AGO1: variants seen among roughly 807,000 people sequenced by gnomAD.
The protein encoded by AGO1 is protein argonaute-1.
A neutral mutation model predicts 109.2 loss-of-function variants in AGO1; 11 were observed. That is an observed-to-expected ratio of 0.10 (90% CI 0.06 to 0.17). The LOEUF is 0.17. Among genes scored for constraint, AGO1 ranks in the 10% least tolerant of loss-of-function variants. The pLI is 1.00. For missense variants in AGO1, 574 were observed against 1,140.3 expected, an observed-to-expected ratio of 0.50 and a Z score of 7.15; for synonymous variants, 422 against 418.6, an observed-to-expected ratio of 1.01 and a Z score of -0.10.
intron 1 of AGO1, among the ~76,000 whole-genome samples, chr1:35,871,058 T>C (rs1644945772): frequency 6.6e-6 from 1 of 152,230 alleles, no homozygotes; most frequent in African/African-American, 2.4e-5. Flanking sequence ...GCCTATCTCC[T>C]CTTGGCAATG....
intron 2 of AGO1, among the ~76,000 whole-genome samples, chr1:35,889,475 G>A (rs1310804653): frequency 2.0e-5 from 3 of 151,920 alleles, no homozygotes; most frequent in Non-Finnish European, 4.4e-5. Context: ...GCCTCGCAAA[G>A]TGCTGGGATT....
chr1:35,872,899 GT>G (rs1016276239), intron 1 of AGO1, among the ~76,000 whole-genome samples: 1 of 151,432 alleles, frequency 6.6e-6, no homozygotes, highest in East Asian at 1.9e-4. Context: ...GTTCTTTTCA[GT>G]TTTTTTGTTT....
At chr1:35,875,026 A>G (rs766902815) in intron 1 of AGO1, among the ~76,000 whole-genome samples, 8 of 152,244 alleles carry the variant, frequency 5.3e-5, no homozygotes, top group Non-Finnish European at 8.8e-5. Context: ...AGCCATCTCC[A>G]TAACATAAAA....
In AGO1 at chr1:35,893,492, C is replaced by A; in HGVS notation, c.513-182C>A. On this transcript the variant is annotated intron_variant, in intron 4 of 18. Coordinates refer to ENST00000373204, the MANE Select transcript of AGO1 (RefSeq NM_012199.5). This position sits in a 1 kb window ranked among gnomAD's most constrained non-coding sequence, Gnocchi z 5.6. ...TATCTTTGGGCCTCATCCCATCTGT[C>A]CCTGCAGGGCAGAGAGAAGGTAGAA... 1.2e-6 allele frequency: 1 copy of A among 808,988 alleles called. No homozygotes were observed. The highest frequency in any genetic ancestry group is 1.9e-6 in the Non-Finnish European group (1 of 528,652). The allele number at this position is 808,988 out of a possible 1,614,324, so 50.1% of individuals were successfully genotyped here.
chr1:35,893,823 A>G lies in AGO1; in HGVS notation c.649+13A>G. The G allele has an allele frequency of 9.3e-6, 15 of 1,607,740 alleles. No homozygotes were observed. Among genetic ancestry groups the G allele is most frequent in the Non-Finnish European group, 1.1e-5 (13 of 1,175,874 alleles). ...CTCAACATTGATGGTGAGTGGGGAG[A>G]GCTATGGAGCCAGGGGCACCCCAAG... On this transcript the variant is annotated intron_variant, in intron 5 of 18. Coordinates refer to ENST00000373204, the MANE Select transcript of AGO1 (RefSeq NM_012199.5). The surrounding 1 kb of genome is among the most constrained non-coding windows in gnomAD (Gnocchi z 5.6).
rs1396694608 is a variant in AGO1 at position 35,926,703 on chromosome 1, C to T, written c.*7096C>T. ...AATGCCTAGGCCGGCTTAGAAGGCA[C>T]ACAGCATGACAGAAGTACTCCTTCA... On this transcript the variant is annotated 3_prime_UTR_variant, in exon 19 of 19. Coordinates refer to ENST00000373204, the MANE Select transcript of AGO1 (RefSeq NM_012199.5). The T allele has an allele frequency of 6.6e-6, 1 of 152,186 alleles. No homozygotes were observed. Among genetic ancestry groups the T allele is most frequent in the East Asian group, 1.9e-4 (1 of 5,204 alleles). 9.4% of individuals were successfully genotyped at this position (152,186 alleles called of 1,614,324 possible).
rs1220406709 is a variant in AGO1 at position 35,883,227 on chromosome 1, G to C, written c.-195G>C. On this transcript the variant is annotated 5_prime_UTR_variant, in exon 1 of 19. Coordinates refer to ENST00000373204, the MANE Select transcript of AGO1 (RefSeq NM_012199.5). The surrounding 1 kb of genome is among the most constrained non-coding windows in gnomAD (Gnocchi z 5.4). ...CCTGCGCACTGGCAGCTGGCCGGGC[G>C]CTCGCAGTGGGAGCTGCTGCAGGCT... 8.1e-7 allele frequency: 1 copy of C among 1,227,010 alleles called. No individual in the cohort carries two copies. Among genetic ancestry groups the C allele is most frequent in the East Asian group, 3.6e-5 (1 of 27,824 alleles). 76.0% of individuals were successfully genotyped at this position (1,227,010 alleles called of 1,614,324 possible). A position where few individuals can be genotyped will look rare whatever the true frequency, so the allele number is the denominator to read the frequency against.
chr1:35,872,331 A>T (rs2148702479), intron 1 of AGO1, among the ~76,000 whole-genome samples: 1 of 151,528 alleles, frequency 6.6e-6, no homozygotes, highest in African/African-American at 2.4e-5. Context: ...GATTACAGGC[A>T]TGTGCCATCA....
intron 12 of AGO1, among the ~76,000 whole-genome samples, chr1:35,913,428 T>C (rs1314780325): frequency 1.3e-5 from 2 of 152,212 alleles, no homozygotes; most frequent in African/African-American, 4.8e-5. Context: ...TTAGCTGCTA[T>C]GGCCTTTCTG....
intron 14 of AGO1, 141 bp downstream of exon 14, chr1:35,914,415 T>C (rs1269091870): frequency 1.5e-6 from 1 of 648,390 alleles, no homozygotes; most frequent in African/African-American, 1.8e-5. Context: ...CAATTCCCAT[T>C]CCCTTGATAT....
At position 35,919,688 on chromosome 1, in the gene AGO1, AAGG is replaced by A; in HGVS notation, c.*88_*90del. ...TGTGCCACCCAAATCCAGAGGAAGC[AAGG>A]AGGAGGGAGGTGGGGTAGGGAGGAG... On this transcript the variant is annotated 3_prime_UTR_variant, in exon 19 of 19. Coordinates refer to ENST00000373204, the MANE Select transcript of AGO1 (RefSeq NM_012199.5). This position sits in a 1 kb window ranked among gnomAD's most constrained non-coding sequence, Gnocchi z 6.6. The A allele has an allele frequency of 2.2e-6, 3 of 1,361,340 alleles. No homozygotes were observed. The highest frequency in any genetic ancestry group is 2.0e-6 in the Non-Finnish European group (2 of 981,762). The allele number at this position is 1,361,340 out of a possible 1,614,324, so 84.3% of individuals were successfully genotyped here.
Position 35,924,004 on chromosome 1 carries a change from G to A in AGO1, c.*4397G>A, listed in dbSNP as rs1378292176. 6.6e-6 allele frequency: 1 copy of A among 152,636 alleles called. No homozygotes were observed. Among genetic ancestry groups the A allele is most frequent in the Non-Finnish European group, 1.5e-5 (1 of 68,054 alleles). 9.5% of individuals were successfully genotyped at this position (152,636 alleles called of 1,614,324 possible). A position where few individuals can be genotyped will look rare whatever the true frequency, so the allele number is the denominator to read the frequency against. ...ATGTTGCACTTAGCAGCCATGTGGT[G>A]GGCATGTGTGACTACTCTGGTTTTC... is the stretch of plus-strand genomic sequence containing the variant. On this transcript the variant is annotated 3_prime_UTR_variant, in exon 19 of 19. Coordinates refer to ENST00000373204, the MANE Select transcript of AGO1 (RefSeq NM_012199.5).
In AGO1 at chr1:35,926,963, T is replaced by A. The variant is rs915821854; in HGVS notation, c.*7356T>A. The A allele has an allele frequency of 1.5e-4, 21 of 139,946 alleles. No homozygotes were observed. Among genetic ancestry groups the A allele is most frequent in the Non-Finnish European group, 2.7e-4 (18 of 66,328 alleles). The allele number at this position is 139,946 out of a possible 1,614,324, so 8.7% of individuals were successfully genotyped here. A position where few individuals can be genotyped will look rare whatever the true frequency, so the allele number is the denominator to read the frequency against. On this transcript the variant is annotated 3_prime_UTR_variant, in exon 19 of 19. Transcript: ENST00000373204. ...TTTGGGGTTTTTTTTTTTTTTTTTTTGGACAAAGTATAATAATATTGAGGG... is the reference window on the plus strand; with the variant it reads ...TTTGGGGTTTTTTTTTTTTTTTTTTAGGACAAAGTATAATAATATTGAGGG...
In AGO1 at chr1:35,922,437, T is replaced by C. The variant is rs1256324753; in HGVS notation, c.*2830T>C. 6.6e-6 allele frequency: 1 copy of C among 152,348 alleles called. No individual in the cohort carries two copies. The highest frequency in any genetic ancestry group is 1.5e-5 in the Non-Finnish European group (1 of 68,104). The allele number at this position is 152,348 out of a possible 1,614,324, so 9.4% of individuals were successfully genotyped here. A position where few individuals can be genotyped will look rare whatever the true frequency, so the allele number is the denominator to read the frequency against. ...GTGGATTTGGTTTAAGTGGTGCTTC[T>C]TACCCAAGCTTCAAGGAAGTGCTTG... On this transcript the variant is annotated 3_prime_UTR_variant, in exon 19 of 19. Transcript: ENST00000373204.
chr1:35,908,023 G>T (rs555177790), intron 12 of AGO1, among the ~76,000 whole-genome samples: 1 of 152,172 alleles, frequency 6.6e-6, no homozygotes, highest in Non-Finnish European at 1.5e-5. Flanking sequence ...GGGAGTCTGA[G>T]GCTAAAGGAT....
chr1:35,918,490 A>G (rs1645774666), intron 17 of AGO1, 67 bp downstream of exon 17: 1 of 1,190,600 alleles, frequency 8.4e-7, no homozygotes, highest in African/African-American at 1.5e-5. Context: ...TTGCCTCTAG[A>G]ATGTATCAGT....
chr1:35,871,436 A>T (rs1644950365), intron 1 of AGO1, among the ~76,000 whole-genome samples: 1 of 151,902 alleles, frequency 6.6e-6, no homozygotes, highest in African/African-American at 2.4e-5. Flanking sequence ...CCAGCTACTC[A>T]GGAGGCTGAG....
chr1:35,877,281 T>A (rs1414269527), intron 1 of AGO1, among the ~76,000 whole-genome samples: 1 of 152,202 alleles, frequency 6.6e-6, no homozygotes, highest in Non-Finnish European at 1.5e-5. Context: ...CTTTTCTCAG[T>A]GCTTCTTCCT....
Position 35,888,653 on chromosome 1 carries a change from A to G in AGO1, c.209+43A>G, listed in dbSNP as rs1645160429. ...AAGCCACCAAATCTGAAAGACACCA[A>G]CCTTGAAAGAGGGGCCAGAAAGGTA... On this transcript the variant is annotated intron_variant, in intron 2 of 18. Coordinates refer to ENST00000373204, the MANE Select transcript of AGO1 (RefSeq NM_012199.5). This position sits in a 1 kb window ranked among gnomAD's most constrained non-coding sequence, Gnocchi z 4.1. The G allele has an allele frequency of 6.2e-7, 1 of 1,602,704 alleles. No homozygotes were observed. Among genetic ancestry groups the G allele is most frequent in the Non-Finnish European group, 8.5e-7 (1 of 1,172,036 alleles).
Sources: allele counts gnomAD v4.1 joint callset (sites outside exome capture counted in the v4.1 genomes callset), GRCh38; gene constraint gnomAD v4.1.1; non-coding constraint Gnocchi (gnomAD v3.1); transcripts MANE v1.5; gene names NCBI Gene and HGNC (gene_info 2026-07-23, HGNC 2026-07-21).